Variants in EPHA10 observed in about 807,000 individuals in gnomAD.
The protein encoded by EPHA10 is EPH receptor A10, also known as ephrin type-A receptor 10.
In EPHA10, 120 loss-of-function variants were observed where a neutral mutation model predicts 109.7. The observed-to-expected ratio is 1.09, with a 90% confidence interval of 0.94 to 1.27. The LOEUF is 1.27. Ranked by LOEUF, EPHA10 falls within the 50% of genes most tolerant of loss-of-function variation. The pLI is 0.00. For synonymous variants in EPHA10, 640 were observed against 618.9 expected (o/e 1.03, Z -0.51); for missense variants, 1,396 against 1,411.1 (o/e 0.99, Z 0.17).
chr1:37,761,846 G>C lies in EPHA10; in HGVS notation c.409C>G (p.Leu137Val), dbSNP rs746281094. The change falls in exon 3 of 17, where the codon CTG becomes GTG. Residue 137 changes from leucine to valine, a missense_variant. Coordinates refer to ENST00000373048, the MANE Select transcript of EPHA10 (RefSeq NM_001099439.2). Reference protein sequence around the residue: ...NVYYLETEADLGRGRPRLGGS... With the variant: ...NVYYLETEADVGRGRPRLGGS... Reference sequence around the variant, plus strand: ...CCTAGGCGGGGACGCCCACGGCCCAGGTCGGCCTCAGTTTCCAGGTAGTAG... The same window carrying C: ...CCTAGGCGGGGACGCCCACGGCCCACGTCGGCCTCAGTTTCCAGGTAGTAG... The C allele has an allele frequency of 5.6e-6, 9 of 1,613,098 alleles. No individual in the cohort carries two copies. Among genetic ancestry groups the C allele is most frequent in the Non-Finnish European group, 7.6e-6 (9 of 1,179,444 alleles).
Position 37,720,078 on chromosome 1 carries a change from A to T in EPHA10, c.2413-20T>A. 2.5e-6 allele frequency: 4 copies of T among 1,612,176 alleles called. No homozygotes were observed. Among genetic ancestry groups the T allele is most frequent in the Non-Finnish European group, 3.4e-6 (4 of 1,179,530 alleles). On this transcript the variant is annotated intron_variant, in intron 13 of 16. Transcript: ENST00000373048. ...GCCACTCTGTAGGGGCAGGCAGGTC[A>T]GGGGCAAGGAGGAACTGGGTGACAC...
chr1:37,742,396 C>G (rs1178590078), intron 5 of EPHA10, among the ~76,000 whole-genome samples: 1 of 152,196 alleles, frequency 6.6e-6, no homozygotes, highest in African/African-American at 2.4e-5. Flanking sequence ...GCTTACAATC[C>G]AGTTCTGGCC....
At chr1:37,743,944 A>G (rs1228053180) in intron 5 of EPHA10, among the ~76,000 whole-genome samples, 2 of 152,238 alleles carry the variant, frequency 1.3e-5, no homozygotes, top group Non-Finnish European at 2.9e-5. Flanking sequence ...ACCATAAAAT[A>G]GTGCACATTG....
chr1:37,751,339 C>T (rs1557554873), intron 5 of EPHA10, among the ~76,000 whole-genome samples: 1 of 150,940 alleles, frequency 6.6e-6, no homozygotes, highest in Admixed American at 6.6e-5. Flanking sequence ...GAGGCCAAGG[C>T]GGGTAGATGA....
At chr1:37,723,568 C>T (rs1645838830) in intron 8 of EPHA10, among the ~76,000 whole-genome samples, 196 bp from the exon 9 acceptor site, 1 of 152,234 alleles carries the variant, frequency 6.6e-6, no homozygotes, top group Admixed American at 6.5e-5. Context: ...AACCGTAGCC[C>T]TAGACCAAAC....
intron 3 of EPHA10, among the ~76,000 whole-genome samples, chr1:37,757,394 A>C (rs1007889188): frequency 2.0e-5 from 3 of 152,068 alleles, no homozygotes; most frequent in African/African-American, 7.2e-5. Flanking sequence ...TTCCCTTCCT[A>C]ATGTCCTCCA....
At chr1:37,735,518 G>T (rs1452718906) in intron 5 of EPHA10, 128 bp from the exon 6 acceptor site, 4 of 1,129,326 alleles carry the variant, frequency 3.5e-6, no homozygotes, top group Non-Finnish European at 3.7e-6. Context: ...TGGTCTAACG[G>T]GCTGTGGGCG....
At chr1:37,738,828 AG>A (rs1646108955) in intron 5 of EPHA10, among the ~76,000 whole-genome samples, 1 of 149,640 alleles carries the variant, frequency 6.7e-6, no homozygotes, top group South Asian at 2.1e-4. Flanking sequence ...CCATAAAAAA[AG>A]GATGAGTTCA....
intron 16 of EPHA10, 84 bp downstream of exon 16, chr1:37,718,577 C>T (rs1378887856): frequency 6.2e-7 from 1 of 1,611,642 alleles, no homozygotes; most frequent in African/African-American, 1.3e-5. Flanking sequence ...CTTCTCTGGA[C>T]AGGTTGGGAC....
downstream of EPHA10, chr1:37,715,853 ACCTCTATGCAGAGAGAT>A (rs1200664484): frequency 1.9e-6 from 1 of 538,532 alleles, no homozygotes; most frequent in Non-Finnish European, 3.6e-6. Context: ...TGTTGGACTC[ACCTCTATGCAGAGAGAT>A]CTCAGACGCA....
In EPHA10 at chr1:37,719,489, G is replaced by A. The variant is rs767063294; in HGVS notation, c.2681C>T (p.Ser894Phe). 124 of 1,613,900 alleles carry A rather than the reference G, an allele frequency of 7.7e-5. No individual in the cohort carries two copies. The highest frequency in any genetic ancestry group is 2.4e-4 in the South Asian group (22 of 91,078). Reference protein sequence around the residue: ...QKDPGERPRFSQIHSILSKMV... With the variant: ...QKDPGERPRFFQIHSILSKMV... Reference sequence around the variant, plus strand: ...CTTGCTCAGGATGCTGTGGATCTGGGAGAACCTGGGCCGCTCACCTGGGTC... The same window carrying A: ...CTTGCTCAGGATGCTGTGGATCTGGAAGAACCTGGGCCGCTCACCTGGGTC... The change falls in exon 15 of 17, where the codon TCC (serine) becomes TTC (phenylalanine). Residue 894 changes from serine (S) to phenylalanine (F), a missense_variant. Coordinates refer to ENST00000373048, the MANE Select transcript of EPHA10 (RefSeq NM_001099439.2).
chr1:37,720,893 G>A (rs376046013), intron 11 of EPHA10, 49 bp from the exon 12 acceptor site: 50 of 1,587,082 alleles, frequency 3.2e-5, no homozygotes, highest in Admixed American at 5.0e-5. Flanking sequence ...ACTCCACTCC[G>A]CACGCACACA....
At chr1:37,724,154 G>A (rs532633459) in intron 8 of EPHA10, among the ~76,000 whole-genome samples, 127 of 152,312 alleles carry the variant, frequency 8.3e-4, no homozygotes, top group African/African-American at 2.9e-3. Context: ...GTCAACATGG[G>A]CATGGAGAGA....
Position 37,717,649 on chromosome 1 carries a change from C to A in EPHA10, c.*723G>T, listed in dbSNP as rs1297290938. The A allele has an allele frequency of 1.7e-5, 4 of 231,484 alleles. No homozygotes were observed. The highest frequency in any genetic ancestry group is 2.6e-5 in the Non-Finnish European group (3 of 117,056). 14.3% of individuals were successfully genotyped at this position (231,484 alleles called of 1,614,324 possible). ...GAATGCACACGAGGGCCTCATGGGG[C>A]CCCAGGGAGCACCAGGGCCTCTCAT... On this transcript the variant is annotated 3_prime_UTR_variant, in exon 17 of 17. Transcript: ENST00000373048.
intron 15 of EPHA10, 108 bp downstream of exon 15, chr1:37,719,306 T>C (rs2148303755): frequency 5.4e-6 from 7 of 1,306,902 alleles, no homozygotes; most frequent in African/African-American, 2.9e-5. Context: ...GGGTGAACAA[T>C]TGCTCTTGGA....
At chr1:37,721,598 A>C (rs1254012351) in intron 11 of EPHA10, 62 bp downstream of exon 11, 26 of 1,500,008 alleles carry the variant, frequency 1.7e-5, no homozygotes, top group Non-Finnish European at 2.2e-5. Context: ...AAACTCCCAC[A>C]CCATCATTTC....
chr1:37,716,235 CTCAGTGGAGGG>C lies in EPHA10; in HGVS notation c.*2126_*2136del. 1 of 297,906 alleles carries C rather than the reference CTCAGTGGAGGG, an allele frequency of 3.4e-6. No homozygotes were observed. The highest frequency in any genetic ancestry group is 5.0e-5 in the South Asian group (1 of 19,884). 18.5% of individuals were successfully genotyped at this position (297,906 alleles called of 1,614,324 possible). On this transcript the variant is annotated 3_prime_UTR_variant, in exon 17 of 17. Coordinates refer to ENST00000373048, the MANE Select transcript of EPHA10 (RefSeq NM_001099439.2). ...CCAACAGGATTCTGGGACCTCACTCCTCAGTGGAGGGGAGATCTACCCTGGACACCGAAGTC... is the reference window on the plus strand; with the variant it reads ...CCAACAGGATTCTGGGACCTCACTCCGAGATCTACCCTGGACACCGAAGTC...
rs543219786 is a variant in EPHA10, at chr1:37,719,541, G to A, written c.2629C>T (p.Arg877Ter). The change falls in exon 15 of 17, where the codon CGA (arginine) becomes TGA (stop). Residue 877 changes from arginine (R) to a stop codon, truncating the protein, a stop_gained. Transcript: ENST00000373048. LOFTEE classifies it high-confidence loss of function. Reference sequence around the variant, plus strand: ...TTCTGCCAGCAGTCGAGCATTAGTCGGTGCAGAAGGTTAGGACAGTTCCTG... The same window carrying A: ...TTCTGCCAGCAGTCGAGCATTAGTCAGTGCAGAAGGTTAGGACAGTTCCTG... ...PPRNCPNLLH[R>*]LMLDCWQKDP... The A allele has an allele frequency of 1.9e-5, 31 of 1,613,918 alleles. No homozygotes were observed. In the East Asian group the frequency reaches 2.0e-4, roughly 10 times the overall value.
At chr1:37,733,291 T>C (rs1395873051) in intron 6 of EPHA10, among the ~76,000 whole-genome samples, 4 of 151,934 alleles carry the variant, frequency 2.6e-5, no homozygotes, top group Non-Finnish European at 5.9e-5. Flanking sequence ...GTGCAACCAC[T>C]GCTCACTGCA....
Sources: gnomAD v4.1 joint callset for allele counts (sites outside exome capture counted in the v4.1 genomes callset) on GRCh38, gnomAD v4.1.1 for gene constraint, MANE v1.5 for transcripts, NCBI Gene and HGNC (gene_info 2026-07-23, HGNC 2026-07-21) for gene names.